HDAC9: variants seen among roughly 807,000 people sequenced by gnomAD.
The protein encoded by HDAC9 is MEF-2 interacting transcription repressor (MITR) protein.
In HDAC9, 41 loss-of-function variants were observed where a neutral mutation model predicts 139.4. That is an observed-to-expected ratio of 0.29 (90% CI 0.23 to 0.38). The LOEUF (loss-of-function observed/expected upper bound fraction) is 0.38. Ranked by LOEUF, HDAC9 falls within the 10% of genes least tolerant of loss-of-function variation. The pLI, the probability that HDAC9 is intolerant of heterozygous loss-of-function variation, is 1.00. For synonymous variants in HDAC9, 517 were observed against 476.2 expected, an observed-to-expected ratio of 1.09 and a Z score of -1.12; for missense variants, 1,147 against 1,297.0, an observed-to-expected ratio of 0.88 and a Z score of 1.78.
intron 2 of HDAC9, among the ~76,000 whole-genome samples, chr7:18,536,639 C>T (rs1811008683): frequency 6.6e-6 from 1 of 152,112 alleles, no homozygotes; most frequent in South Asian, 2.1e-4. Context: ...TTGACCTTTA[C>T]TTATATGGAA....
chr7:18,110,071 A>G (rs954613802), intron 1 of HDAC9, among the ~76,000 whole-genome samples: 1 of 152,224 alleles, frequency 6.6e-6, no homozygotes, highest in Non-Finnish European at 1.5e-5. Flanking sequence ...TTGACTTCCA[A>G]AAATACTTGG....
chr7:18,129,951 C>T (rs1784901953), intron 1 of HDAC9, among the ~76,000 whole-genome samples: 1 of 150,996 alleles, frequency 6.6e-6, no homozygotes, highest in Admixed American at 6.6e-5. Flanking sequence ...GAGGAAGTGG[C>T]ACTGAAGCTA....
In HDAC9 at chr7:18,137,844, C is replaced by G. The variant is rs146853189; in HGVS notation, c.-96-24385C>G. ...TAAAATGAGTTAGGAAGGATTCCCT[C>G]TTTTTCTATTGATCGGAATAGTTTC... is the stretch of plus-strand genomic sequence containing the variant. On this transcript the variant is annotated intron_variant, in intron 1 of 12. Transcript: ENST00000417496. Among the ~76,000 whole-genome samples the G allele has an allele frequency of 6.0e-3, 907 of 152,262 alleles. 11 individuals carry two copies. The highest frequency in any genetic ancestry group is 0.021 in the African/African-American group (857 of 41,528).
intron 1 of HDAC9, among the ~76,000 whole-genome samples, chr7:18,399,034 C>CT (rs1242206159): frequency 8.5e-5 from 13 of 152,134 alleles, no homozygotes; most frequent in Non-Finnish European, 1.8e-4. Context: ...TTTAATAAAG[C>CT]TGCCTATGGG....
chr7:18,278,892 A>T (rs1284527886), intron 2 of HDAC9, among the ~76,000 whole-genome samples: 1 of 152,226 alleles, frequency 6.6e-6, no homozygotes. Flanking sequence ...TCTATTGAAC[A>T]TTCTATAACA....
chr7:18,569,225 A>G (rs1461198651), intron 2 of HDAC9, among the ~76,000 whole-genome samples: 1 of 152,218 alleles, frequency 6.6e-6, no homozygotes, highest in South Asian at 2.1e-4. Flanking sequence ...CAGTAAGTCA[A>G]TGAATGAGAG....
intron 19 of HDAC9, among the ~76,000 whole-genome samples, chr7:18,831,527 G>A (rs1795856198): frequency 6.6e-6 from 1 of 152,100 alleles, no homozygotes; most frequent in South Asian, 2.1e-4. Flanking sequence ...GGCTGTAGTA[G>A]ACGAGAAGTT....
intron 12 of HDAC9, chr7:18,668,925 A>G: frequency 1.0e-6 from 1 of 974,076 alleles, no homozygotes; most frequent in Non-Finnish European, 1.2e-6. Flanking sequence ...TCATATATCA[A>G]AATACATTGC....
At chr7:18,679,689 T>C (rs1023712024) in intron 12 of HDAC9, among the ~76,000 whole-genome samples, 4 of 151,942 alleles carry the variant, frequency 2.6e-5, no homozygotes, top group Non-Finnish European at 2.9e-5. Flanking sequence ...CAGTTACTCT[T>C]TAATATAGTA....
chr7:18,792,093 A>G (rs530606072), intron 16 of HDAC9, among the ~76,000 whole-genome samples: 100 of 151,982 alleles, frequency 6.6e-4, no homozygotes, highest in African/African-American at 2.3e-3. Flanking sequence ...GTTCTCATTT[A>G]TTATTTTTGT....
chr7:18,573,580 G>A (rs1486801601), intron 2 of HDAC9, among the ~76,000 whole-genome samples: 5 of 152,166 alleles, frequency 3.3e-5, no homozygotes, highest in South Asian at 4.1e-4. Flanking sequence ...TGCCAAGTAC[G>A]AGCAAGGCGT....
chr7:18,092,174 C>T (rs1415049122), intron 1 of HDAC9, among the ~76,000 whole-genome samples: 1 of 152,036 alleles, frequency 6.6e-6, no homozygotes, highest in Non-Finnish European at 1.5e-5. Context: ...CTGCTTGAGT[C>T]CAGGAGTTCA....
intron 16 of HDAC9, among the ~76,000 whole-genome samples, chr7:18,778,002 A>G (rs190896030): frequency 5.7e-4 from 87 of 152,042 alleles, no homozygotes; most frequent in African/African-American, 1.6e-3. Context: ...CCTATTCTAC[A>G]GAAAAGGAAA....
chr7:18,948,148 T>G (rs1782531382), intron 23 of HDAC9, among the ~76,000 whole-genome samples: 2 of 152,138 alleles, frequency 1.3e-5, no homozygotes, highest in South Asian at 4.1e-4. Flanking sequence ...AATTATTCTT[T>G]TAAATCGAAA....
chr7:18,820,434 A>C (rs1794877502), intron 17 of HDAC9, among the ~76,000 whole-genome samples: 1 of 152,230 alleles, frequency 6.6e-6, no homozygotes, highest in Non-Finnish European at 1.5e-5. Context: ...CTTATTTTAA[A>C]ACATTTTCAC....
intron 2 of HDAC9, among the ~76,000 whole-genome samples, chr7:18,500,726 C>T (rs1241861897): frequency 1.3e-5 from 2 of 152,090 alleles, no homozygotes. Flanking sequence ...ACGTACCTTT[C>T]ACCAACTAAA....
At chr7:18,308,548 G>C (rs1162468335) in intron 1 of HDAC9, among the ~76,000 whole-genome samples, 3 of 152,070 alleles carry the variant, frequency 2.0e-5, no homozygotes, top group African/African-American at 7.2e-5. Flanking sequence ...AAAAGTTTTG[G>C]TGTACTCAGT....
chr7:18,821,985 C>T (rs1178792039), intron 17 of HDAC9, among the ~76,000 whole-genome samples: 2 of 152,150 alleles, frequency 1.3e-5, no homozygotes, highest in Admixed American at 6.5e-5. Context: ...GGAGGAGGGG[C>T]ACAAAGCTTC....
intron 2 of HDAC9, among the ~76,000 whole-genome samples, chr7:18,258,156 G>A (rs1795404672): frequency 6.6e-6 from 1 of 152,168 alleles, no homozygotes; most frequent in Non-Finnish European, 1.5e-5. Flanking sequence ...TTGTGAAAAG[G>A]AAATGAAATA....
Sources: gnomAD v4.1 joint callset for allele counts (sites outside exome capture counted in the v4.1 genomes callset) on GRCh38, gnomAD v4.1.1 for gene constraint, MANE v1.5 for transcripts, NCBI Gene and HGNC (gene_info 2026-07-23, HGNC 2026-07-21) for gene names.